Variants in TRIM44 observed in about 807,000 individuals in gnomAD.
TRIM44 encodes tripartite motif containing 44.
Under a neutral mutation model 37.4 loss-of-function variants are expected in TRIM44, and 13 were observed. The observed-to-expected ratio is 0.35, with a 90% CI of 0.23 to 0.55. TRIM44 has a LOEUF of 0.55. Ranked by LOEUF, TRIM44 falls within the 20% of genes least tolerant of loss-of-function variation. The pLI is 0.89. For missense variants in TRIM44, 426 were observed against 437.2 expected (o/e 0.97, Z 0.23); for synonymous variants, 175 against 157.2 (o/e 1.11, Z -0.85).
intron 4 of TRIM44, among the ~76,000 whole-genome samples, chr11:35,752,497 C>T (rs3112062): frequency 0.024 from 3,577 of 151,764 alleles, 108 homozygotes; most frequent in African/African-American, 0.067. Flanking sequence ...GGTTCTCCCC[C>T]TCCCTCACCC....
rs1036012351 is a variant in TRIM44, at chr11:35,663,436, G to C, written c.325G>C (p.Glu109Gln). 3.2e-6 allele frequency: 5 copies of C among 1,568,966 alleles called. No individual in the cohort carries two copies. The highest frequency in any genetic ancestry group is 3.5e-6 in the Non-Finnish European group (4 of 1,156,386). ...SESEEESESE[E>Q]ESETEEESED... ...GTCGGAGGAAGAGAGCGAGTCAGAG[G>C]AAGAGAGCGAGACAGAGGAAGAGAG... Residue 109 changes from glutamate to glutamine, a missense_variant, in exon 1 of 5, where the codon GAA becomes CAA. By Grantham distance (29) the Glu-to-Gln change is conservative. Coordinates refer to ENST00000299413, the MANE Select transcript of TRIM44 (RefSeq NM_017583.6).
At chr11:35,737,945 T>C (rs1300522667) in intron 4 of TRIM44, among the ~76,000 whole-genome samples, 2 of 152,212 alleles carry the variant, frequency 1.3e-5, no homozygotes, top group African/African-American at 4.8e-5. Context: ...GTTCGGTTTT[T>C]ATCATTTTCC....
At chr11:35,758,650 T>C (rs1156692021) in intron 4 of TRIM44, among the ~76,000 whole-genome samples, 1 of 152,184 alleles carries the variant, frequency 6.6e-6, no homozygotes, top group Non-Finnish European at 1.5e-5. Context: ...GTTTTTCCTT[T>C]CCATGTTTAG....
chr11:35,760,518 A>T (rs1382473865), intron 4 of TRIM44, among the ~76,000 whole-genome samples: 1 of 152,020 alleles, frequency 6.6e-6, no homozygotes, highest in African/African-American at 2.4e-5. Context: ...CCACTTTCTG[A>T]CACTCCCCAG....
At chr11:35,736,117 A>G (rs1294077477) in intron 4 of TRIM44, among the ~76,000 whole-genome samples, 1 of 152,174 alleles carries the variant, frequency 6.6e-6, no homozygotes, top group East Asian at 1.9e-4. Context: ...ATTGAGGAAT[A>G]TTTGTACAAA....
At chr11:35,778,692 C>T (rs138567168) in intron 4 of TRIM44, among the ~76,000 whole-genome samples, 2,109 of 152,284 alleles carry the variant, frequency 0.014, 32 homozygotes, top group Non-Finnish European at 0.017. Context: ...AGTCAGGACC[C>T]TCAGCTGCAG....
chr11:35,741,580 C>G (rs1235068655), intron 4 of TRIM44, among the ~76,000 whole-genome samples: 1 of 152,056 alleles, frequency 6.6e-6, no homozygotes, highest in African/African-American at 2.4e-5. Flanking sequence ...AAAAAGGGCC[C>G]AAGAGGAAGG....
chr11:35,718,283 C>T (rs1852061934), intron 2 of TRIM44, among the ~76,000 whole-genome samples: 1 of 151,958 alleles, frequency 6.6e-6, no homozygotes, highest in South Asian at 2.1e-4. Context: ...ATTTGATGGT[C>T]ACCCCACCCC....
At chr11:35,789,760 G>T (rs184374108) in intron 4 of TRIM44, among the ~76,000 whole-genome samples, 1 of 152,260 alleles carries the variant, frequency 6.6e-6, no homozygotes, top group Non-Finnish European at 1.5e-5. Context: ...GCTCCTTAGG[G>T]TATTTACACT....
chr11:35,712,451 T>C (rs1484680156), intron 2 of TRIM44, among the ~76,000 whole-genome samples: 4 of 152,156 alleles, frequency 2.6e-5, no homozygotes, highest in Non-Finnish European at 5.9e-5. Context: ...CCTGCAGCTT[T>C]ACCTTATCCT....
rs1432808379 is a variant in TRIM44, at chr11:35,812,462, G to A, written c.*6077G>A. 1 of 152,140 alleles carries A rather than the reference G, an allele frequency of 6.6e-6. No individual in the cohort carries two copies. The highest frequency in any genetic ancestry group is 1.5e-5 in the Non-Finnish European group (1 of 68,024). 9.4% of individuals were successfully genotyped at this position (152,140 alleles called of 1,614,324 possible). On this transcript the variant is annotated 3_prime_UTR_variant, in exon 5 of 5. Coordinates refer to ENST00000299413, the MANE Select transcript of TRIM44 (RefSeq NM_017583.6). ...GTCACTTAGCTCTTTCTCTGGGCCA[G>A]GTACTCTCCTGTTGTTTTTCACATT...
intron 4 of TRIM44, among the ~76,000 whole-genome samples, chr11:35,748,987 T>A (rs1852529209): frequency 6.6e-6 from 1 of 152,130 alleles, no homozygotes; most frequent in African/African-American, 2.4e-5. Flanking sequence ...TGGGAAAAAA[T>A]GCCATAATAT....
intron 2 of TRIM44, among the ~76,000 whole-genome samples, chr11:35,718,117 T>C (rs982143287): frequency 5.9e-5 from 9 of 152,200 alleles, no homozygotes; most frequent in Middle Eastern, 3.2e-3. Context: ...TTTCATGGGC[T>C]TAAATCGAAA....
chr11:35,709,825 CA>C (rs1387318946), intron 2 of TRIM44, among the ~76,000 whole-genome samples: 1 of 152,094 alleles, frequency 6.6e-6, no homozygotes, highest in Non-Finnish European at 1.5e-5. Context: ...TTTGTTTAAA[CA>C]AAAACGTCAG....
chr11:35,778,405 C>G (rs61375960), intron 4 of TRIM44, among the ~76,000 whole-genome samples: 14 of 152,256 alleles, frequency 9.2e-5, no homozygotes, highest in Non-Finnish European at 1.5e-4. Context: ...TTCAAACATC[C>G]TCCTTTAGCT....
chr11:35,758,419 A>G (rs1251445704), intron 4 of TRIM44, among the ~76,000 whole-genome samples: 2 of 152,150 alleles, frequency 1.3e-5, no homozygotes, highest in African/African-American at 2.4e-5. Flanking sequence ...GGTTTCCTGA[A>G]TACAGTACAC....
chr11:35,672,295 T>C (rs1398298478), intron 1 of TRIM44, among the ~76,000 whole-genome samples: 1 of 152,106 alleles, frequency 6.6e-6, no homozygotes, highest in African/African-American at 2.4e-5. Context: ...ATACGATATG[T>C]TCTGTTTCTC....
chr11:35,755,765 C>T (rs934932387), intron 4 of TRIM44, among the ~76,000 whole-genome samples: 6 of 152,060 alleles, frequency 3.9e-5, no homozygotes, highest in African/African-American at 1.4e-4. Flanking sequence ...ATAGGGAATC[C>T]TTTCCCCATT....
chr11:35,721,380 C>A (rs1412576995), intron 2 of TRIM44, among the ~76,000 whole-genome samples: 1 of 152,078 alleles, frequency 6.6e-6, no homozygotes, highest in East Asian at 1.9e-4. Flanking sequence ...CACAGATAAC[C>A]ACTCTCCAAC....
Sources: allele counts gnomAD v4.1 joint callset (sites outside exome capture counted in the v4.1 genomes callset), GRCh38; gene constraint gnomAD v4.1.1; transcripts MANE v1.5; gene names NCBI Gene and HGNC (gene_info 2026-07-23, HGNC 2026-07-21).